ENTREP2: variants seen among roughly 807,000 people sequenced by gnomAD.
The protein encoded by ENTREP2 is protein ENTREP2.
the ENTREP2 span, among the ~76,000 whole-genome samples, chr15:29,563,844 A>AAATAAATAAATAAAT: frequency 7.3e-3 from 1,103 of 150,888 alleles, 13 homozygotes; most frequent in African/African-American, 0.023. Context: ...CTCAAAAATA[A>AAATAAATAAATAAAT]AAATAAATAA....
the ENTREP2 span, among the ~76,000 whole-genome samples, chr15:29,183,252 G>A: frequency 6.6e-6 from 1 of 152,140 alleles, no homozygotes; most frequent in Non-Finnish European, 1.5e-5. Flanking sequence ...CAGGAAAAGA[G>A]AAAAAACCAG....
At chr15:29,654,250 C>G in the ENTREP2 span, among the ~76,000 whole-genome samples, 14 of 152,132 alleles carry the variant, frequency 9.2e-5, no homozygotes, top group Admixed American at 9.2e-4. Context: ...ATTGTTTTCT[C>G]AAACTTTCGC....
chr15:29,470,055 G>T, the ENTREP2 span, among the ~76,000 whole-genome samples: 18 of 152,196 alleles, frequency 1.2e-4, no homozygotes, highest in Non-Finnish European at 2.4e-4. Flanking sequence ...ACACAGCCTT[G>T]AAAACCGCAG....
At chr15:29,150,937 CAGAGACAGAG>C in the ENTREP2 span, among the ~76,000 whole-genome samples, 1 of 152,114 alleles carries the variant, frequency 6.6e-6, no homozygotes, top group African/African-American at 2.4e-5. Context: ...AAGACACACA[CAGAGACAGAG>C]AGAGACAGAC....
the ENTREP2 span, among the ~76,000 whole-genome samples, chr15:29,456,934 T>C: frequency 6.6e-6 from 1 of 152,228 alleles, no homozygotes; most frequent in Non-Finnish European, 1.5e-5. Context: ...TAGGGGCCAA[T>C]CTGATGGAAG....
the ENTREP2 span, among the ~76,000 whole-genome samples, chr15:29,538,409 A>AATTATT: frequency 1.5e-3 from 221 of 152,218 alleles, no homozygotes; most frequent in African/African-American, 5.1e-3. Flanking sequence ...TGAACTCGGA[A>AATTATT]ATTATTATAA....
At chr15:29,557,107 G>A in the ENTREP2 span, among the ~76,000 whole-genome samples, 1 of 152,156 alleles carries the variant, frequency 6.6e-6, no homozygotes, top group Non-Finnish European at 1.5e-5. Context: ...AACACTGCCG[G>A]TCATGTGTCA....
chr15:29,232,798 C>G, the ENTREP2 span, among the ~76,000 whole-genome samples: 1 of 152,204 alleles, frequency 6.6e-6, no homozygotes, highest in Non-Finnish European at 1.5e-5. Context: ...CGGTGTGCCA[C>G]CACGTCCAGC....
At chr15:29,293,508 G>A in the ENTREP2 span, among the ~76,000 whole-genome samples, 5 of 151,996 alleles carry the variant, frequency 3.3e-5, no homozygotes, top group Middle Eastern at 3.4e-3. Flanking sequence ...CGCCCGCCTT[G>A]GCCTCCCAAA....
chr15:29,642,234 A>G, the ENTREP2 span, among the ~76,000 whole-genome samples: 597 of 152,186 alleles, frequency 3.9e-3, 2 homozygotes, highest in African/African-American at 0.014. Flanking sequence ...CAATTTCATA[A>G]CTTAATGCAA....
the ENTREP2 span, among the ~76,000 whole-genome samples, chr15:29,513,818 C>G: frequency 6.6e-6 from 1 of 152,208 alleles, no homozygotes; most frequent in African/African-American, 2.4e-5. Flanking sequence ...GCAGTATGGC[C>G]CCAGCCAGAT....
the ENTREP2 span, chr15:29,265,756 T>C: frequency 6.6e-6 from 1 of 152,210 alleles, no homozygotes; most frequent in Non-Finnish European, 1.5e-5. Flanking sequence ...CTGAGTGTCA[T>C]AAATCAGTGT....
chr15:29,278,071 G>A, the ENTREP2 span, among the ~76,000 whole-genome samples: 1 of 152,332 alleles, frequency 6.6e-6, no homozygotes, highest in East Asian at 1.9e-4. Flanking sequence ...GTGACTGTAG[G>A]AGTCCTGGGG....
At chr15:29,608,270 G>C in the ENTREP2 span, among the ~76,000 whole-genome samples, 1 of 152,028 alleles carries the variant, frequency 6.6e-6, no homozygotes, top group African/African-American at 2.4e-5. Context: ...CCATGTTAAG[G>C]AATGCTTTTC....
At chr15:29,425,390 T>C in the ENTREP2 span, among the ~76,000 whole-genome samples, 4 of 152,168 alleles carry the variant, frequency 2.6e-5, no homozygotes, top group African/African-American at 9.6e-5. Flanking sequence ...TATTTTTGTA[T>C]TGCATTCTAT....
At chr15:29,282,193 A>T in the ENTREP2 span, among the ~76,000 whole-genome samples, 1 of 152,146 alleles carries the variant, frequency 6.6e-6, no homozygotes, top group Non-Finnish European at 1.5e-5. Context: ...AGATAACTGA[A>T]TCATGGGGAA....
the ENTREP2 span, among the ~76,000 whole-genome samples, chr15:29,657,870 A>G: frequency 6.6e-6 from 1 of 152,134 alleles, no homozygotes; most frequent in Non-Finnish European, 1.5e-5. Flanking sequence ...GTATGTATAT[A>G]TACATATATA....
the ENTREP2 span, among the ~76,000 whole-genome samples, chr15:29,354,354 C>T: frequency 6.6e-6 from 1 of 152,184 alleles, no homozygotes; most frequent in Non-Finnish European, 1.5e-5. Context: ...ACTTCTTGGC[C>T]TTCACAAGTG....
the ENTREP2 span, among the ~76,000 whole-genome samples, chr15:29,135,099 A>AT: frequency 4.3e-4 from 65 of 151,728 alleles, no homozygotes; most frequent in African/African-American, 1.5e-3. The surrounding 1 kb of genome is among the most constrained non-coding windows in gnomAD (Gnocchi z 7.4). Flanking sequence ...TTGGGCTCAG[A>AT]ATTGGCTTCA....
Sources: gnomAD v4.1 joint callset for allele counts (sites outside exome capture counted in the v4.1 genomes callset) on GRCh38, gnomAD v4.1.1 for gene constraint, Gnocchi (gnomAD v3.1) non-coding constraint, MANE v1.5 for transcripts, NCBI Gene and HGNC (gene_info 2026-07-23, HGNC 2026-07-21) for gene names.